The following NCAM1 variants were observed in gnomAD, a reference collection of about 807,000 sequenced individuals.
NCAM1 encodes neural cell adhesion molecule 1, also known as antigen recognized by monoclonal antibody 5.1H11.
A neutral mutation model predicts 109.8 loss-of-function variants in NCAM1; 14 were observed. The observed-to-expected ratio is 0.13, with a 90% CI of 0.08 to 0.20. The LOEUF (loss-of-function observed/expected upper bound fraction) is 0.20. Among genes scored for constraint, NCAM1 ranks in the 10% least tolerant of loss-of-function variants. The pLI, the probability that NCAM1 is intolerant of heterozygous loss-of-function variation, is 1.00. For missense variants in NCAM1, 774 were observed against 1,109.9 expected (o/e 0.70, Z 4.30); for synonymous variants, 418 against 442.9 (o/e 0.94, Z 0.70).
intron 17 of NCAM1, among the ~76,000 whole-genome samples, chr11:113,267,761 C>G (rs1555124621): frequency 6.6e-6 from 1 of 152,198 alleles, no homozygotes; most frequent in African/African-American, 2.4e-5. Context: ...TGGCCCTCCC[C>G]TGGATGTGCG....
At chr11:113,115,374 C>G (rs149490988) in intron 1 of NCAM1, among the ~76,000 whole-genome samples, 2 of 152,148 alleles carry the variant, frequency 1.3e-5, no homozygotes, top group Non-Finnish European at 2.9e-5. Context: ...AACATAAGCA[C>G]AGAGTTACTA....
chr11:113,262,938 A>C, intron 17 of NCAM1: 2 of 1,612,854 alleles, frequency 1.2e-6, no homozygotes, highest in Non-Finnish European at 1.7e-6. Flanking sequence ...ACTTGAACAC[A>C]AAAATTAAAT....
intron 1 of NCAM1, among the ~76,000 whole-genome samples, chr11:113,085,461 G>T (rs1555088135): frequency 6.6e-6 from 1 of 152,136 alleles, no homozygotes; most frequent in East Asian, 1.9e-4. Context: ...GAAAAGTGAT[G>T]GATATAGACA....
chr11:113,250,018 C>G (rs1312735737), intron 15 of NCAM1, among the ~76,000 whole-genome samples: 5 of 152,152 alleles, frequency 3.3e-5, no homozygotes, highest in Admixed American at 3.3e-4. Context: ...CATTGTGTAT[C>G]CCGAGGCTCC....
intron 1 of NCAM1, chr11:113,041,325 C>G (rs960415892): frequency 3.9e-5 from 6 of 152,078 alleles, no homozygotes; most frequent in Admixed American, 3.3e-4. Context: ...ACATTAGAAG[C>G]GCTGGCAAGA....
chr11:113,236,182 A>C, intron 14 of NCAM1: 1 of 984,568 alleles, frequency 1.0e-6, no homozygotes, highest in South Asian at 1.5e-5. Flanking sequence ...TGATAATTTG[A>C]GTTTCCAGCT....
At chr11:113,145,216 A>C (rs1236900938) in intron 1 of NCAM1, among the ~76,000 whole-genome samples, 2 of 152,246 alleles carry the variant, frequency 1.3e-5, no homozygotes, top group Non-Finnish European at 2.9e-5. Context: ...AACATATAAT[A>C]ATATGAACAA....
chr11:113,209,964 A>G (rs1186440206), intron 7 of NCAM1, among the ~76,000 whole-genome samples: 1 of 152,180 alleles, frequency 6.6e-6, no homozygotes, highest in Non-Finnish European at 1.5e-5. Flanking sequence ...AGAGGCAGGA[A>G]AAGCACAGGC....
chr11:113,207,764 C>G, intron 6 of NCAM1, 69 bp from the exon 7 acceptor site: 1 of 1,483,554 alleles, frequency 6.7e-7, no homozygotes, highest in Non-Finnish European at 9.2e-7. Context: ...TTCTATGGAA[C>G]CTAATTAAAA....
chr11:113,264,484 T>G (rs533875829), intron 17 of NCAM1: 3 of 985,684 alleles, frequency 3.0e-6, no homozygotes, highest in South Asian at 4.7e-5. Flanking sequence ...CAGATGGCGC[T>G]TCACACCAGG....
At chr11:113,156,721 C>T (rs1317266509) in intron 1 of NCAM1, among the ~76,000 whole-genome samples, 1 of 152,086 alleles carries the variant, frequency 6.6e-6, no homozygotes, top group East Asian at 1.9e-4. Flanking sequence ...AAGCAAAGAG[C>T]TACTTGTTGG....
At chr11:113,271,246 T>C (rs1555125259) in intron 18 of NCAM1, among the ~76,000 whole-genome samples, 1 of 151,838 alleles carries the variant, frequency 6.6e-6, no homozygotes, top group African/African-American at 2.4e-5. Context: ...GGCATGCTCC[T>C]GTAATCCCAG....
rs367640227 is a variant in NCAM1 at position 113,232,773 on chromosome 11, G to A, written c.1481G>A (p.Arg494His). The change falls in exon 12 of 20, where the codon CGC (arginine) becomes CAC (histidine). Residue 494 changes from arginine to histidine, a missense_variant. Arg to His is a conservative substitution (Grantham distance 29, BLOSUM62 0). Around this residue, in one of 4 missense-constraint regions of NCAM1, gnomAD observed 523 missense variants for 784.2 expected, o/e 0.67. Transcript: ENST00000316851. ...AACTACAACTGTACTGCAGTGAACC[G>A]CATTGGGCAGGAGTCCTTGGAATTC... ...FGNYNCTAVN[R>H]IGQESLEFIL... is the part of the protein sequence containing the mutation. The A allele has an allele frequency of 6.2e-6, 10 of 1,613,768 alleles. No homozygotes were observed. Among genetic ancestry groups the A allele is most frequent in the African/African-American group, 2.7e-5 (2 of 74,888 alleles).
At chr11:113,085,757 T>TG (rs1939052869) in intron 1 of NCAM1, among the ~76,000 whole-genome samples, 6 of 152,310 alleles carry the variant, frequency 3.9e-5, no homozygotes, top group African/African-American at 1.4e-4. Flanking sequence ...GGCTCACTCT[T>TG]TATCATCCTG....
At chr11:113,262,393 C>A (rs1946033853) in intron 17 of NCAM1, among the ~76,000 whole-genome samples, 1 of 152,336 alleles carries the variant, frequency 6.6e-6, no homozygotes, top group East Asian at 1.9e-4. Flanking sequence ...CTGGCTGTAT[C>A]TAAGAGGCTT....
At chr11:113,073,819 T>C (rs1193218457) in intron 1 of NCAM1, among the ~76,000 whole-genome samples, 1 of 152,216 alleles carries the variant, frequency 6.6e-6, no homozygotes, top group Non-Finnish European at 1.5e-5. Context: ...TTTCTTCTGA[T>C]CAATTCATTT....
In NCAM1 at chr11:113,260,380, C is replaced by T. The variant is rs781869041; in HGVS notation, c.2131+57C>T. On this transcript the variant is annotated intron_variant, in intron 17 of 19. Coordinates refer to ENST00000316851, the MANE Select transcript of NCAM1 (RefSeq NM_181351.5). ...GCTTTGAATTAATGCACAAGTGCTG[C>T]ACCTCCTAATGCGCCTGAACAACCC... 10 of 1,553,618 alleles carry T rather than the reference C, an allele frequency of 6.4e-6. No homozygotes were observed. The South Asian group carries it at 9.6e-5, about 15-fold the overall frequency.
At chr11:113,235,665 C>A (rs571831876) in intron 14 of NCAM1, among the ~76,000 whole-genome samples, 7 of 152,330 alleles carry the variant, frequency 4.6e-5, no homozygotes, top group Admixed American at 3.9e-4. Context: ...AGAAACCCAG[C>A]AAAGCCAAGG....
chr11:112,977,323 T>G (rs1951033460), intron 1 of NCAM1: 1 of 151,876 alleles, frequency 6.6e-6, no homozygotes, highest in Non-Finnish European at 1.5e-5. Context: ...TATGTGTAAG[T>G]GAGATGGATT....
Sources: allele counts gnomAD v4.1 joint callset (sites outside exome capture counted in the v4.1 genomes callset), GRCh38; gene constraint gnomAD v4.1.1; regional missense constraint gnomAD v4.1.1; transcripts MANE v1.5; gene names NCBI Gene and HGNC (gene_info 2026-07-23, HGNC 2026-07-21).